CTNNA2: variants seen among roughly 807,000 people sequenced by gnomAD.
CTNNA2 encodes catenin alpha 2.
Under a neutral mutation model 101.0 loss-of-function variants are expected in CTNNA2, and 42 were observed. That is an observed-to-expected ratio of 0.42 (90% CI 0.32 to 0.54). CTNNA2 has a LOEUF of 0.54. CTNNA2 is among the 20% of genes least tolerant of loss of function. CTNNA2 has a pLI of 0.14. For missense variants in CTNNA2, 871 were observed against 1,223.1 expected (o/e 0.71, Z 4.29); for synonymous variants, 450 against 456.4 (o/e 0.99, Z 0.18).
chr2:79,899,147 G>A lies in CTNNA2; in HGVS notation c.853-10447G>A, dbSNP rs529022927. Among the ~76,000 whole-genome samples the A allele has an allele frequency of 3.9e-5, 6 of 152,158 alleles. No homozygotes were observed. The East Asian group carries it at 9.7e-4, about 24-fold the overall frequency. ...AAAACGATGGTCAAGAATGTAGAAC[G>A]TTCCAGGAGACTAGAGATAACATGA... On this transcript the variant is annotated intron_variant, in intron 6 of 18. Coordinates refer to ENST00000402739, the MANE Select transcript of CTNNA2 (RefSeq NM_001282597.3).
intron 2 of CTNNA2, among the ~76,000 whole-genome samples, chr2:79,298,717 A>G (rs141291154): frequency 5.9e-5 from 9 of 152,298 alleles, no homozygotes; most frequent in African/African-American, 2.2e-4. Context: ...CTTATCCCCA[A>G]GTCAAAAATC....
chr2:80,640,166 T>TCAAA (rs1673317380), intron 18 of CTNNA2, among the ~76,000 whole-genome samples: 1 of 152,000 alleles, frequency 6.6e-6, no homozygotes, highest in East Asian at 1.9e-4. Context: ...ACAATAGAAA[T>TCAAA]CAAACAATTC....
intron 7 of CTNNA2, among the ~76,000 whole-genome samples, chr2:79,936,384 A>C (rs1687792138): frequency 6.6e-6 from 1 of 151,986 alleles, no homozygotes; most frequent in Non-Finnish European, 1.5e-5. Context: ...GAATGGTGAA[A>C]ATCCCTTATT....
At chr2:80,185,590 T>G (rs1339517519) in intron 7 of CTNNA2, among the ~76,000 whole-genome samples, 1 of 152,160 alleles carries the variant, frequency 6.6e-6, no homozygotes, top group East Asian at 1.9e-4. Context: ...CCTTTCAGAG[T>G]CTTGAGCATG....
intron 1 of CTNNA2, among the ~76,000 whole-genome samples, chr2:79,533,768 G>C (rs1447631705): frequency 6.6e-6 from 1 of 150,946 alleles, no homozygotes; most frequent in African/African-American, 2.4e-5. Flanking sequence ...TTCTAAAATA[G>C]TGTCTGAGAG....
At chr2:80,337,804 G>T (rs1217475921) in intron 7 of CTNNA2, among the ~76,000 whole-genome samples, 3 of 152,106 alleles carry the variant, frequency 2.0e-5, no homozygotes, top group African/African-American at 7.2e-5. Context: ...TATGTCAAAA[G>T]GTAGAGACAA....
intron 8 of CTNNA2, among the ~76,000 whole-genome samples, chr2:80,397,544 G>T (rs1678128334): frequency 6.6e-6 from 1 of 152,156 alleles, no homozygotes; most frequent in Admixed American, 6.5e-5. Context: ...AGTCTCACAA[G>T]ACCTGATGGT....
chr2:80,559,705 C>T (rs1395247004), intron 12 of CTNNA2, among the ~76,000 whole-genome samples: 1 of 152,034 alleles, frequency 6.6e-6, no homozygotes, highest in Non-Finnish European at 1.5e-5. Context: ...CCATTAAATA[C>T]TTACATGGCA....
intron 7 of CTNNA2, among the ~76,000 whole-genome samples, chr2:79,927,701 GT>G (rs1416999421): frequency 6.6e-6 from 1 of 152,100 alleles, no homozygotes; most frequent in Non-Finnish European, 1.5e-5. Context: ...CATATATTAG[GT>G]TTTGATCATA....
chr2:79,435,692 T>C (rs927243670), intron 4 of CTNNA2, among the ~76,000 whole-genome samples: 1 of 152,162 alleles, frequency 6.6e-6, no homozygotes, highest in Admixed American at 6.5e-5. Flanking sequence ...CTTTCATTGA[T>C]GACAACAAAT....
chr2:79,641,198 T>C (rs1680427183), intron 1 of CTNNA2, among the ~76,000 whole-genome samples: 1 of 152,182 alleles, frequency 6.6e-6, no homozygotes, highest in Non-Finnish European at 1.5e-5. Context: ...GTTTTGGTTT[T>C]CTAGAAAAGC....
chr2:79,778,941 G>C (rs1316488895), intron 3 of CTNNA2, among the ~76,000 whole-genome samples: 1 of 152,236 alleles, frequency 6.6e-6, no homozygotes, highest in Non-Finnish European at 1.5e-5. Flanking sequence ...ACAAGTGGCA[G>C]TCTGAGTGTG....
intron 7 of CTNNA2, among the ~76,000 whole-genome samples, chr2:80,207,972 AAC>A (rs1338359869): frequency 6.6e-6 from 1 of 152,230 alleles, no homozygotes; most frequent in Non-Finnish European, 1.5e-5. Context: ...TGTCAGCAAT[AAC>A]ACATGCAGGG....
chr2:79,963,707 A>G (rs1205512295), intron 7 of CTNNA2, among the ~76,000 whole-genome samples: 2 of 152,322 alleles, frequency 1.3e-5, no homozygotes, highest in South Asian at 2.1e-4. Flanking sequence ...CCAGCAAAAC[A>G]ATGGGCTAAG....
chr2:79,214,676 C>T lies in CTNNA2; in HGVS notation c.-406+16600C>T, dbSNP rs185078681. On this transcript the variant is annotated intron_variant, in intron 2 of 21. Coordinates refer to the CTNNA2 transcript ENST00000466387. Reference sequence around the variant, plus strand: ...TGCTTGTGGGTAAGGTGGGGGGATACGAGAGGAAGACGCAAAGGAGGCTTT... The same window carrying T: ...TGCTTGTGGGTAAGGTGGGGGGATATGAGAGGAAGACGCAAAGGAGGCTTT... 2.0e-4 allele frequency among the ~76,000 whole-genome samples: 30 copies of T among 151,746 alleles called. 1 individual carries two copies. The East Asian group carries it at 4.3e-3, about 22-fold the overall frequency.
At chr2:80,001,188 G>C (rs1187240114) in intron 7 of CTNNA2, among the ~76,000 whole-genome samples, 3 of 152,050 alleles carry the variant, frequency 2.0e-5, no homozygotes, top group Non-Finnish European at 4.4e-5. Flanking sequence ...CTTCTTCCCT[G>C]GAGTCTGTGT....
chr2:79,686,908 A>G (rs1683970104), intron 2 of CTNNA2, among the ~76,000 whole-genome samples: 2 of 152,198 alleles, frequency 1.3e-5, no homozygotes, highest in African/African-American at 4.8e-5. Flanking sequence ...ATGCCACTCC[A>G]TTAATTTAAA....
chr2:79,870,700 A>G (rs1574184921), intron 5 of CTNNA2, among the ~76,000 whole-genome samples: 1 of 152,276 alleles, frequency 6.6e-6, no homozygotes, highest in East Asian at 1.9e-4. Context: ...TCATGGTGGA[A>G]GGGGAAGTAG....
intron 3 of CTNNA2, among the ~76,000 whole-genome samples, chr2:79,831,915 G>T (rs1292879944): frequency 6.6e-6 from 1 of 151,880 alleles, no homozygotes; most frequent in African/African-American, 2.4e-5. Context: ...TCTGCATTTT[G>T]TTGGGTTTTT....
Sources: allele counts gnomAD v4.1 joint callset (sites outside exome capture counted in the v4.1 genomes callset), GRCh38; gene constraint gnomAD v4.1.1; transcripts MANE v1.5; gene names NCBI Gene and HGNC (gene_info 2026-07-23, HGNC 2026-07-21).